Variants in FBXL13 observed in about 807,000 individuals in gnomAD.
The protein encoded by FBXL13 is F-box and leucine rich repeat protein 13.
Under a neutral mutation model 83.6 loss-of-function variants are expected in FBXL13, and 67 were observed. That is an observed-to-expected ratio of 0.80 (90% confidence interval 0.66 to 0.98). The LOEUF is 0.98. Ranked by LOEUF, FBXL13 falls within the 50% of genes least tolerant of loss-of-function variation. FBXL13 has a pLI of 0.00. For missense variants in FBXL13, 822 were observed against 866.5 expected (o/e 0.95, Z 0.64); for synonymous variants, 272 against 299.5 (o/e 0.91, Z 0.95).
chr7:102,915,036 A>T (rs969399168), intron 10 of FBXL13, among the ~76,000 whole-genome samples: 1 of 152,066 alleles, frequency 6.6e-6, no homozygotes, highest in Non-Finnish European at 1.5e-5. Flanking sequence ...CGGCCAAATG[A>T]GATGTAAATC....
chr7:103,002,534 A>G (rs1790510599), intron 6 of FBXL13, among the ~76,000 whole-genome samples: 1 of 152,178 alleles, frequency 6.6e-6, no homozygotes, highest in Non-Finnish European at 1.5e-5. Context: ...CTTTTTGCAC[A>G]TTAGTGTACT....
At chr7:102,881,580 G>A (rs945543290) in intron 14 of FBXL13, among the ~76,000 whole-genome samples, 2 of 149,986 alleles carry the variant, frequency 1.3e-5, no homozygotes, top group Non-Finnish European at 3.0e-5. Context: ...GTGTGTGGGG[G>A]GGGTGGGTGT....
chr7:103,029,165 G>C (rs1794249407), intron 3 of FBXL13, among the ~76,000 whole-genome samples, 186 bp downstream of exon 4: 1 of 151,778 alleles, frequency 6.6e-6, no homozygotes, highest in Admixed American at 6.6e-5. Flanking sequence ...CCTTAAAGAA[G>C]TAAAATACAT....
At chr7:103,039,880 T>TTG (rs1795482553) in intron 2 of FBXL13, among the ~76,000 whole-genome samples, 1 of 151,944 alleles carries the variant, frequency 6.6e-6, no homozygotes, top group Non-Finnish European at 1.5e-5. Context: ...ACATTCCAAA[T>TTG]GGTAAAGACC....
intron 6 of FBXL13, chr7:102,976,242 T>G (rs774786513): frequency 1.4e-6 from 1 of 725,254 alleles, no homozygotes. Flanking sequence ...TAGGCCAGTA[T>G]GTTTTTAAAA....
At chr7:102,949,211 G>T (rs190966840) in intron 8 of FBXL13, among the ~76,000 whole-genome samples, 1 of 152,314 alleles carries the variant, frequency 6.6e-6, no homozygotes, top group East Asian at 1.9e-4. Flanking sequence ...CTTAGCTGGG[G>T]TAGGGGTTGG....
intron 11 of FBXL13, among the ~76,000 whole-genome samples, chr7:102,902,516 TG>T (rs1813092152): frequency 6.6e-6 from 1 of 152,344 alleles, no homozygotes; most frequent in African/African-American, 2.4e-5. Flanking sequence ...CCCAGATCAA[TG>T]TCCTGGAGAT....
intron 6 of FBXL13, among the ~76,000 whole-genome samples, chr7:102,998,782 C>A (rs1358385164): frequency 6.6e-6 from 1 of 151,870 alleles, no homozygotes; most frequent in Non-Finnish European, 1.5e-5. Flanking sequence ...GCCTGGGTGA[C>A]ATGGCAAAAC....
chr7:102,885,875 G>A (rs1366416600), intron 11 of FBXL13, among the ~76,000 whole-genome samples: 1 of 152,030 alleles, frequency 6.6e-6, no homozygotes, highest in African/African-American at 2.4e-5. Flanking sequence ...GTTGAAGAAA[G>A]TATTCTTTTC....
At chr7:103,008,709 C>T (rs1791251384) in intron 6 of FBXL13, among the ~76,000 whole-genome samples, 3 of 151,968 alleles carry the variant, frequency 2.0e-5, no homozygotes, top group Admixed American at 2.0e-4. Flanking sequence ...AGGTGCACAC[C>T]AACACACCCG....
chr7:103,024,825 ATATATGTG>A (rs1432961237), intron 6 of FBXL13, among the ~76,000 whole-genome samples: 1 of 135,522 alleles, frequency 7.4e-6, no homozygotes, highest in African/African-American at 2.8e-5. Flanking sequence ...ATATATGTAT[ATATATGTG>A]TATATATATA....
chr7:103,060,820 G>A (rs1284706372), intron 1 of FBXL13, among the ~76,000 whole-genome samples: 2 of 152,160 alleles, frequency 1.3e-5, no homozygotes, highest in Non-Finnish European at 2.9e-5. Context: ...TGAAGAAACA[G>A]AAAAACATTG....
chr7:102,829,115 A>G (rs1327297567), intron 18 of FBXL13, among the ~76,000 whole-genome samples: 2 of 152,212 alleles, frequency 1.3e-5, no homozygotes. Flanking sequence ...TATAAAACCC[A>G]AGATGGTCCA....
At chr7:102,994,818 CG>C (rs1829929556) in intron 6 of FBXL13, among the ~76,000 whole-genome samples, 1 of 152,080 alleles carries the variant, frequency 6.6e-6, no homozygotes, top group Non-Finnish European at 1.5e-5. Flanking sequence ...GTTCAGGCCA[CG>C]TGGACAGAAA....
chr7:103,011,781 T>C (rs985903625), intron 6 of FBXL13, among the ~76,000 whole-genome samples: 1 of 150,988 alleles, frequency 6.6e-6, no homozygotes, highest in Admixed American at 6.6e-5. Context: ...AATAATTCAG[T>C]CAGACGAAAA....
chr7:102,944,423 C>A (rs763191276), intron 8 of FBXL13: 4 of 1,613,898 alleles, frequency 2.5e-6, no homozygotes, highest in Middle Eastern at 1.6e-4. Flanking sequence ...TGCAAAACGC[C>A]TGAAGAATAC....
rs145727144 is a variant in FBXL13 at position 102,899,867 on chromosome 7, C to T, written c.1008+13219G>A. 3.8e-3 allele frequency among the ~76,000 whole-genome samples: 581 copies of T among 151,938 alleles called. 6 individuals are homozygous for T. Among genetic ancestry groups the T allele is most frequent in the African/African-American group, 0.014 (565 of 41,442 alleles). ...GGTGGGCAACCTGAGGTTGGGAATT[C>T]GAGACTGGCCTGGCCAATAAAATAC... is the stretch of plus-strand genomic sequence containing the variant. On this transcript the variant is annotated intron_variant, in intron 11 of 19. Coordinates refer to ENST00000313221, the Ensembl canonical transcript of FBXL13.
intron 16 of FBXL13, among the ~76,000 whole-genome samples, chr7:102,868,787 C>T (rs916149441): frequency 1.3e-5 from 2 of 152,218 alleles, no homozygotes; most frequent in African/African-American, 4.8e-5. Flanking sequence ...CATGCTTCAG[C>T]CTCCCAAGTA....
At chr7:103,043,796 G>T (rs1288597049) in intron 2 of FBXL13, among the ~76,000 whole-genome samples, 1 of 152,198 alleles carries the variant, frequency 6.6e-6, no homozygotes, top group Non-Finnish European at 1.5e-5. Flanking sequence ...TTACAGGTGT[G>T]AGCCACTGCA....
Sources: gnomAD v4.1 joint callset for allele counts (sites outside exome capture counted in the v4.1 genomes callset) on GRCh38, gnomAD v4.1.1 for gene constraint, MANE v1.5 for transcripts, NCBI Gene and HGNC (gene_info 2026-07-23, HGNC 2026-07-21) for gene names.